Variants in TNNI1 observed in about 807,000 individuals in gnomAD.
The protein encoded by TNNI1 is troponin I, slow skeletal muscle.
TNNI1 carries 14 observed loss-of-function variants against 26.7 expected under a neutral mutation model. That is an observed-to-expected ratio of 0.52 (90% CI 0.35 to 0.82). The LOEUF is 0.82. TNNI1 is among the 40% of genes least tolerant of loss of function. The pLI is 0.01. For synonymous variants in TNNI1, 79 were observed against 98.2 expected, an observed-to-expected ratio of 0.80 and a Z score of 1.16; for missense variants, 164 against 257.0, an observed-to-expected ratio of 0.64 and a Z score of 2.47.
chr1:201,411,348 G>A lies in TNNI1; in HGVS notation c.456+9C>T, dbSNP rs368937688. The A allele has an allele frequency of 6.2e-6, 10 of 1,613,174 alleles. No homozygotes were observed. Among genetic ancestry groups the A allele is most frequent in the African/African-American group, 2.7e-5 (2 of 74,884 alleles). On this transcript the variant is annotated intron_variant, in intron 7 of 8. Transcript: ENST00000361379. This position sits in a 1 kb window ranked among gnomAD's most constrained non-coding sequence, Gnocchi z 4.6. ...AGAGGGTGGAATGTTCTGAGGAAAGGGACCTCACCTTCTCTGTGTCTTCCT... is the reference window on the plus strand; with the variant it reads ...AGAGGGTGGAATGTTCTGAGGAAAGAGACCTCACCTTCTCTGTGTCTTCCT...
chr1:201,419,133 TCAAA>T (rs1335312367), intron 1 of TNNI1, among the ~76,000 whole-genome samples: 3 of 151,734 alleles, frequency 2.0e-5, no homozygotes, highest in African/African-American at 4.8e-5. Context: ...TAAAAAAAAG[TCAAA>T]CAAACAAAAA....
At chr1:201,420,203 C>A (rs1357696565) in intron 1 of TNNI1, among the ~76,000 whole-genome samples, 2 of 152,260 alleles carry the variant, frequency 1.3e-5, no homozygotes, top group African/African-American at 4.8e-5. Context: ...CCGGGGCCTG[C>A]CCCCAGCCTG....
intron 3 of TNNI1, 45 bp downstream of exon 3, chr1:201,417,071 G>T: frequency 1.9e-6 from 3 of 1,613,504 alleles, no homozygotes; most frequent in Non-Finnish European, 1.7e-6. Context: ...ACTTTTACCA[G>T]TCGTTAGAGT....
chr1:201,409,593 C>T (rs1662594539), intron 8 of TNNI1, among the ~76,000 whole-genome samples: 1 of 152,202 alleles, frequency 6.6e-6, no homozygotes, highest in Admixed American at 6.5e-5. Flanking sequence ...AACACTCGCT[C>T]GTCGCATCCT....
At chr1:201,415,128 T>C in intron 4 of TNNI1, 85 bp downstream of exon 4, 1 of 1,268,224 alleles carries the variant, frequency 7.9e-7, no homozygotes, top group Non-Finnish European at 1.1e-6. Flanking sequence ...CTCCTTGCCA[T>C]AATCCTCCAC....
In TNNI1 at chr1:201,417,036, C is replaced by T. The variant is rs1029391929; in HGVS notation, c.15+80G>A. The T allele has an allele frequency of 6.2e-5, 97 of 1,570,078 alleles. No individual in the cohort carries two copies. In the Admixed American group the frequency reaches 1.6e-3, roughly 26 times the overall value. ...GGCCTTAACACAGGCTCTTCCCTCT[C>T]CTCAGATGCCAACCCCACCTTCCCA... is the stretch of plus-strand genomic sequence containing the variant. On this transcript the variant is annotated intron_variant, in intron 3 of 8. Coordinates refer to ENST00000361379, the MANE Select transcript of TNNI1 (RefSeq NM_003281.4).
In TNNI1 at chr1:201,417,815, AG is replaced by A; in HGVS notation, c.-19-4del. 2 of 1,313,054 alleles carry A rather than the reference AG, an allele frequency of 1.5e-6. No homozygotes were observed. The highest frequency in any genetic ancestry group is 2.0e-6 in the Non-Finnish European group (2 of 1,021,804). The allele number at this position is 1,313,054 out of a possible 1,614,324, so 81.3% of individuals were successfully genotyped here. On this transcript the variant is annotated splice_region_variant and splice_polypyrimidine_tract_variant and intron_variant, in intron 1 of 8. Coordinates refer to ENST00000361379, the MANE Select transcript of TNNI1 (RefSeq NM_003281.4). ...GCATGGTGGCAGTGAGACAGCACCT[AG>A]GGGGCACAGAGGAATCATTCATAAG...
rs975384543 is a variant in TNNI1 at position 201,404,299 on chromosome 1, C to T, written c.*4954G>A. 5 of 152,138 alleles carry T rather than the reference C, an allele frequency of 3.3e-5. No individual in the cohort carries two copies. Among genetic ancestry groups the T allele is most frequent in the African/African-American group, 7.2e-5 (3 of 41,432 alleles). The allele number at this position is 152,138 out of a possible 1,614,324, so 9.4% of individuals were successfully genotyped here. A position where few individuals can be genotyped will look rare whatever the true frequency, so the allele number is the denominator to read the frequency against. On this transcript the variant is annotated 3_prime_UTR_variant, in exon 9 of 9. Transcript: ENST00000361379. The stretch of plus-strand genomic sequence containing the variant: ...GATCCCCAGCCCCAACCAGCTGGCT[C>T]GAGGTCACATCCTGATATTTCAGTT...
At chr1:201,414,795 T>A in intron 4 of TNNI1, 146 bp from the exon 5 acceptor site, 1 of 1,318,908 alleles carries the variant, frequency 7.6e-7, no homozygotes, top group Non-Finnish European at 1.0e-6. Context: ...CAGGCCACCA[T>A]GAGGGTACAC....
chr1:201,419,319 T>C (rs1022784283), intron 1 of TNNI1, among the ~76,000 whole-genome samples: 3 of 152,176 alleles, frequency 2.0e-5, no homozygotes, highest in Non-Finnish European at 4.4e-5. Flanking sequence ...CCAGACATAA[T>C]TCACCGTCTT....
chr1:201,419,835 A>AT (rs1434066015), intron 1 of TNNI1, among the ~76,000 whole-genome samples: 1 of 152,230 alleles, frequency 6.6e-6, no homozygotes, highest in Non-Finnish European at 1.5e-5. Context: ...CTCAGCTGTC[A>AT]TGCTGGGGCA....
intron 1 of TNNI1, among the ~76,000 whole-genome samples, chr1:201,419,040 T>C (rs1480143754): frequency 6.6e-6 from 1 of 152,034 alleles, no homozygotes; most frequent in African/African-American, 2.4e-5. Flanking sequence ...ACCTGAGTGA[T>C]GAAATAATTG....
At chr1:201,414,676 G>A in intron 4 of TNNI1, 27 bp from the exon 5 acceptor site, 10 of 1,605,930 alleles carry the variant, frequency 6.2e-6, no homozygotes, top group Non-Finnish European at 8.5e-6. Flanking sequence ...TGCTGAGCTG[G>A]GGGCCTCACA....
intron 5 of TNNI1, among the ~76,000 whole-genome samples, chr1:201,413,762 C>T (rs1230041740): frequency 6.6e-6 from 1 of 152,016 alleles, no homozygotes; most frequent in African/African-American, 2.4e-5. Flanking sequence ...AAAAAGTATT[C>T]TTTCATCATG....
In TNNI1 at chr1:201,411,552, C is replaced by A. The variant is rs755253482; in HGVS notation, c.280-19G>T. ...CCTTAATCTGTAGGTGAGAAGCGCC[C>A]GGGGCTCACTGGAGAGGCAGCTAGC... On this transcript the variant is annotated intron_variant, in intron 6 of 8. Transcript: ENST00000361379. The surrounding 1 kb of genome is among the most constrained non-coding windows in gnomAD (Gnocchi z 4.6). 10 of 1,543,290 alleles carry A rather than the reference C, an allele frequency of 6.5e-6. No homozygotes were observed. The African/African-American group carries it at 1.1e-4, about 17-fold the overall frequency.
chr1:201,414,340 T>C (rs961325407), intron 5 of TNNI1, among the ~76,000 whole-genome samples, 178 bp downstream of exon 5: 3 of 152,274 alleles, frequency 2.0e-5, no homozygotes, highest in African/African-American at 7.2e-5. Context: ...AAATGGAATC[T>C]AATGTTCCCA....
At chr1:201,412,202 T>C (rs1662645957) in intron 6 of TNNI1, among the ~76,000 whole-genome samples, 1 of 152,196 alleles carries the variant, frequency 6.6e-6, no homozygotes, top group Non-Finnish European at 1.5e-5. Context: ...TTCCTCTTGT[T>C]CCTGCAGCCT....
Position 201,404,462 on chromosome 1 carries a change from C to T in TNNI1, c.*4791G>A, listed in dbSNP as rs1662477532. 1 of 152,162 alleles carries T rather than the reference C, an allele frequency of 6.6e-6. No homozygotes were observed. The highest frequency in any genetic ancestry group is 6.5e-5 in the Admixed American group (1 of 15,280). The allele number at this position is 152,162 out of a possible 1,614,324, so 9.4% of individuals were successfully genotyped here. On this transcript the variant is annotated 3_prime_UTR_variant, in exon 9 of 9. Transcript: ENST00000361379. Reference sequence around the variant, plus strand: ...TAAGCTCCCTGGCTTTCGGTTTTTACAAACTAATAATATTGTGTAATATAA... The same window carrying T: ...TAAGCTCCCTGGCTTTCGGTTTTTATAAACTAATAATATTGTGTAATATAA...
At position 201,411,582 on chromosome 1, in the gene TNNI1, G is replaced by A; in HGVS notation, c.280-49C>T. ...CTCACTGGAGAGGCAGCTAGCCACA[G>A]GACACCCTTCCTGAGGACCTCAGAC... On this transcript the variant is annotated intron_variant, in intron 6 of 8. Transcript: ENST00000361379. The surrounding 1 kb of genome is among the most constrained non-coding windows in gnomAD (Gnocchi z 4.6). The A allele has an allele frequency of 6.7e-7, 1 of 1,493,818 alleles. No homozygotes were observed. Among genetic ancestry groups the A allele is most frequent in the African/African-American group, 1.4e-5 (1 of 69,872 alleles). The allele number at this position is 1,493,818 out of a possible 1,614,324, so 92.5% of individuals were successfully genotyped here.
Sources: gnomAD v4.1 joint callset for allele counts (sites outside exome capture counted in the v4.1 genomes callset) on GRCh38, gnomAD v4.1.1 for gene constraint, Gnocchi (gnomAD v3.1) non-coding constraint, MANE v1.5 for transcripts, NCBI Gene and HGNC (gene_info 2026-07-23, HGNC 2026-07-21) for gene names.